Variants in PRDM5 observed in about 807,000 individuals in gnomAD.
PRDM5 encodes PR/SET domain 5, also known as PR domain zinc finger protein 5.
PRDM5 carries 56 observed loss-of-function variants against 81.2 expected under a neutral mutation model. The ratio of observed to expected loss-of-function variants is 0.69; its 90% CI spans 0.56 to 0.86. PRDM5 has a LOEUF of 0.86. Ranked by LOEUF, PRDM5 falls within the 40% of genes least tolerant of loss-of-function variation. PRDM5 has a pLI of 0.00. For missense variants in PRDM5, 697 were observed against 770.1 expected (o/e 0.91, Z 1.12); for synonymous variants, 267 against 256.4 (o/e 1.04, Z -0.39).
At position 120,874,562 on chromosome 4, in the gene PRDM5, GA is replaced by G. The variant is rs1000940894; in HGVS notation, c.178-21023del. Among the ~76,000 whole-genome samples, 9 of 150,622 alleles carry G rather than the reference GA, an allele frequency of 6.0e-5. No homozygotes were observed. The South Asian group carries it at 6.3e-4, about 11-fold the overall frequency. On this transcript the variant is annotated intron_variant, in intron 2 of 15. Coordinates refer to ENST00000264808, the MANE Select transcript of PRDM5 (RefSeq NM_018699.4). Reference sequence around the variant, plus strand: ...CTGAAAAAAACTCTTAGTTCACTAAGAAAAAAAAATCATTTTAAAATGCAAA... The same window carrying G: ...CTGAAAAAAACTCTTAGTTCACTAAGAAAAAAAATCATTTTAAAATGCAAA...
rs1734356483 is a variant in PRDM5 at position 120,695,047 on chromosome 4, T to G, written c.*64A>C. The G allele has an allele frequency of 3.9e-6, 6 of 1,542,162 alleles. No individual in the cohort carries two copies. The highest frequency in any genetic ancestry group is 5.4e-6 in the Non-Finnish European group (6 of 1,116,586). ...GGCTACTTCTGTTATGCTGATCAGGTGATAAAAATCTGGGATTCATATTAG... is the reference window on the plus strand; with the variant it reads ...GGCTACTTCTGTTATGCTGATCAGGGGATAAAAATCTGGGATTCATATTAG... On this transcript the variant is annotated 3_prime_UTR_variant, in exon 16 of 16. Coordinates refer to ENST00000264808, the MANE Select transcript of PRDM5 (RefSeq NM_018699.4).
intron 13 of PRDM5, among the ~76,000 whole-genome samples, chr4:120,759,768 A>G (rs1745327420): frequency 6.6e-6 from 1 of 152,232 alleles, no homozygotes; most frequent in African/African-American, 2.4e-5. Context: ...GCTCAGGTAT[A>G]TTTAGACACT....
chr4:120,798,715 T>A (rs1441290128), intron 9 of PRDM5, among the ~76,000 whole-genome samples: 1 of 152,192 alleles, frequency 6.6e-6, no homozygotes, highest in African/African-American at 2.4e-5. Flanking sequence ...CATGCTGATA[T>A]GTGACAGTTT....
chr4:120,701,563 A>G (rs1207183258), intron 15 of PRDM5, among the ~76,000 whole-genome samples: 4 of 152,106 alleles, frequency 2.6e-5, no homozygotes, highest in African/African-American at 9.7e-5. Flanking sequence ...CACTATCCTA[A>G]GTGAATTAAT....
rs1166253565 is a variant in PRDM5, at chr4:120,917,159, T to C, written c.93+5357A>G. Among the ~76,000 whole-genome samples, 7 of 152,180 alleles carry C rather than the reference T, an allele frequency of 4.6e-5. 1 individual carries two copies. The highest frequency in any genetic ancestry group is 1.0e-4 in the Non-Finnish European group (7 of 68,030). On this transcript the variant is annotated intron_variant, in intron 1 of 15. Coordinates refer to ENST00000264808, the MANE Select transcript of PRDM5 (RefSeq NM_018699.4). ...TCTGACCTCCTCCTCAACTGCTTGCTCATTGCATTCCAGCCACACTGACCT... is the reference window on the plus strand; with the variant it reads ...TCTGACCTCCTCCTCAACTGCTTGCCCATTGCATTCCAGCCACACTGACCT...
At chr4:120,816,066 T>C in intron 7 of PRDM5, 1 of 227,956 alleles carries the variant, frequency 4.4e-6, no homozygotes, top group Non-Finnish European at 8.8e-6. Context: ...GGATTTTTAC[T>C]GTAAAAATAA....
chr4:120,811,664 T>C (rs938086852), intron 7 of PRDM5, among the ~76,000 whole-genome samples: 25 of 152,196 alleles, frequency 1.6e-4, no homozygotes, highest in Admixed American at 3.3e-4. Flanking sequence ...TTAATTAACA[T>C]GTATATAGGG....
chr4:120,782,344 A>G (rs914919327), intron 11 of PRDM5, among the ~76,000 whole-genome samples: 1 of 152,170 alleles, frequency 6.6e-6, no homozygotes, highest in African/African-American at 2.4e-5. Flanking sequence ...ATAAGAGATT[A>G]TCTCAATTTT....
At chr4:120,883,012 C>T (rs1192252927) in intron 2 of PRDM5, among the ~76,000 whole-genome samples, 6 of 152,188 alleles carry the variant, frequency 3.9e-5, no homozygotes, top group Non-Finnish European at 5.9e-5. Context: ...CTGTAGTACT[C>T]GCTGGATCTC....
intron 2 of PRDM5, among the ~76,000 whole-genome samples, chr4:120,881,208 T>A (rs1762812477): frequency 6.6e-6 from 1 of 152,208 alleles, no homozygotes; most frequent in Admixed American, 6.5e-5. Flanking sequence ...ACACAAAGAT[T>A]TTTTTGTCTT....
rs1412546011 is a variant in PRDM5, at chr4:120,913,914, C to G, written c.94-6357G>C. ...AGAAAGCTGACTGACAGGGAACTGA[C>G]AGCCTATCTGCCAGTGCAGGCCCAC... is the stretch of plus-strand genomic sequence containing the variant. On this transcript the variant is annotated intron_variant, in intron 1 of 15. Transcript: ENST00000264808. Among the ~76,000 whole-genome samples the G allele has an allele frequency of 2.0e-5, 3 of 152,200 alleles. No individual in the cohort carries two copies. The East Asian group carries it at 5.8e-4, about 29-fold the overall frequency.
chr4:120,911,552 C>T lies in PRDM5; in HGVS notation c.94-3995G>A, dbSNP rs141008180. Among the ~76,000 whole-genome samples, 223 of 152,246 alleles carry T rather than the reference C, an allele frequency of 1.5e-3. 1 individual carries two copies. The highest frequency in any genetic ancestry group is 5.1e-3 in the African/African-American group (214 of 41,554). On this transcript the variant is annotated intron_variant, in intron 1 of 15. Coordinates refer to ENST00000264808, the MANE Select transcript of PRDM5 (RefSeq NM_018699.4). ...TTAATAAACAAAAACTGTATGATTG[C>T]AAAAATGTGGGCCATTTTCTCTCAT...
chr4:120,805,428 A>G (rs991755715), intron 8 of PRDM5, among the ~76,000 whole-genome samples: 2 of 152,188 alleles, frequency 1.3e-5, no homozygotes, highest in Non-Finnish European at 2.9e-5. Flanking sequence ...ATATCCCTGA[A>G]GAACATCGAT....
chr4:120,903,654 T>G (rs1325036407), intron 2 of PRDM5, among the ~76,000 whole-genome samples: 1 of 152,194 alleles, frequency 6.6e-6, no homozygotes, highest in African/African-American at 2.4e-5. Flanking sequence ...CACCATGAAC[T>G]GCAATAATCC....
At chr4:120,816,649 T>C (rs1434552733) in intron 6 of PRDM5, 75 bp from the exon 7 acceptor site, 6 of 1,597,362 alleles carry the variant, frequency 3.8e-6, no homozygotes, top group Non-Finnish European at 5.1e-6. Context: ...ATCAGCAAGA[T>C]TTTGTAATAC....
intron 2 of PRDM5, among the ~76,000 whole-genome samples, chr4:120,899,931 T>C (rs1765055388): frequency 6.6e-6 from 1 of 152,144 alleles, no homozygotes; most frequent in South Asian, 2.1e-4. Flanking sequence ...CACTTATGTT[T>C]ACAGGTATAT....
intron 13 of PRDM5, among the ~76,000 whole-genome samples, chr4:120,760,847 C>T (rs965569700): frequency 6.6e-6 from 1 of 151,654 alleles, no homozygotes; most frequent in East Asian, 1.9e-4. Flanking sequence ...TTCAATTTTA[C>T]TAGTGTGATG....
chr4:120,694,993 A>G lies in PRDM5; in HGVS notation c.*118T>C. The G allele has an allele frequency of 8.2e-7, 1 of 1,217,024 alleles. No homozygotes were observed. Among genetic ancestry groups the G allele is most frequent in the Admixed American group, 1.7e-5 (1 of 58,276 alleles). The allele number at this position is 1,217,024 out of a possible 1,614,324, so 75.4% of individuals were successfully genotyped here. On this transcript the variant is annotated 3_prime_UTR_variant, in exon 16 of 16. Transcript: ENST00000264808. ...CTACAGACTCTAAATGTAGGCAAAT[A>G]AGAACTATGAGACCAGTAAGTCACT...
chr4:120,749,469 G>A (rs893205002), intron 14 of PRDM5, among the ~76,000 whole-genome samples: 16 of 152,132 alleles, frequency 1.1e-4, no homozygotes, highest in East Asian at 1.9e-4. Context: ...GACAAGGTCC[G>A]AGGGTGGAGT....
Sources: gnomAD v4.1 joint callset for allele counts (sites outside exome capture counted in the v4.1 genomes callset) on GRCh38, gnomAD v4.1.1 for gene constraint, MANE v1.5 for transcripts, NCBI Gene and HGNC (gene_info 2026-07-23, HGNC 2026-07-21) for gene names.